The following VPS37A variants were observed in gnomAD, a reference collection of about 807,000 sequenced individuals.
VPS37A encodes VPS37A subunit of ESCRT-I.
A neutral mutation model predicts 49.8 loss-of-function variants in VPS37A; 30 were observed. The observed-to-expected ratio is 0.60, with a 90% CI of 0.45 to 0.82. The LOEUF (loss-of-function observed/expected upper bound fraction) is 0.82. Ranked by LOEUF, VPS37A falls within the 40% of genes least tolerant of loss-of-function variation. The pLI is 0.00. For missense variants in VPS37A, 593 were observed against 464.4 expected (o/e 1.28, Z -2.55); for synonymous variants, 195 against 160.6 (o/e 1.21, Z -1.62).
At chr8:17,256,893 C>T (rs1372952291) in intron 1 of VPS37A, among the ~76,000 whole-genome samples, 2 of 152,216 alleles carry the variant, frequency 1.3e-5, no homozygotes, top group South Asian at 2.1e-4. Context: ...CTCAGATGAT[C>T]GGCCTGCCTT....
chr8:17,273,023 CTTTTTTT>C (rs1166192119), intron 4 of VPS37A, among the ~76,000 whole-genome samples: 10 of 43,822 alleles, frequency 2.3e-4, no homozygotes, highest in African/African-American at 8.1e-4. Flanking sequence ...TTTGCCCTTC[CTTTTTTT>C]TTTTTTTTTT....
At chr8:17,291,078 A>G (rs1156698618) in intron 11 of VPS37A, among the ~76,000 whole-genome samples, 1 of 151,980 alleles carries the variant, frequency 6.6e-6, no homozygotes, top group Admixed American at 6.6e-5. Flanking sequence ...CATTGGTATG[A>G]TCTTGGCTCA....
At chr8:17,251,166 G>T (rs182857821) in intron 1 of VPS37A, among the ~76,000 whole-genome samples, 1 of 152,090 alleles carries the variant, frequency 6.6e-6, no homozygotes, top group South Asian at 2.1e-4. Context: ...CAGTGATGAT[G>T]GTCTCATCAC....
chr8:17,249,203 TA>T (rs1811749054), intron 1 of VPS37A, among the ~76,000 whole-genome samples: 1 of 152,198 alleles, frequency 6.6e-6, no homozygotes, highest in Non-Finnish European at 1.5e-5. Flanking sequence ...CTAAGGCTGG[TA>T]AGTAAGGGAA....
rs117208259 is a variant in VPS37A at position 17,288,021 on chromosome 8, C to T, written c.*1594C>T. ...ATTTCTGCTCCTTGTAACATTAGTG[C>T]TCACAATGAATTGTTTTATGTGTTA... On this transcript the variant is annotated intron_variant, in intron 11 of 11. Coordinates refer to ENST00000324849, the MANE Select transcript of VPS37A (RefSeq NM_152415.3). Among the ~76,000 whole-genome samples, 980 of 152,260 alleles carry T rather than the reference C, an allele frequency of 6.4e-3. 4 individuals are homozygous for T. Among genetic ancestry groups the T allele is most frequent in the Middle Eastern group, 0.014 (4 of 294 alleles).
rs888733128 is a variant in VPS37A at position 17,269,038 on chromosome 8, G to A, written c.416+82G>A. The A allele has an allele frequency of 1.6e-5, 16 of 1,004,444 alleles. No homozygotes were observed. The South Asian group carries it at 2.1e-4, about 13-fold the overall frequency. 62.2% of individuals were successfully genotyped at this position (1,004,444 alleles called of 1,614,324 possible). The stretch of plus-strand genomic sequence containing the variant: ...AATATAGTTTAAAAATTCAAATGAT[G>A]TTAAAAATCAGTCCTCTGATTTCTA... On this transcript the variant is annotated intron_variant, in intron 4 of 11. Transcript: ENST00000324849.
At chr8:17,319,047 G>A in the VPS37A span, among the ~76,000 whole-genome samples, 1 of 152,182 alleles carries the variant, frequency 6.6e-6, no homozygotes, top group Non-Finnish European at 1.5e-5. Context: ...AAATAGGAGG[G>A]CCTCCTTGTT....
intron 4 of VPS37A, chr8:17,272,180 G>C (rs1343470733): frequency 2.3e-6 from 1 of 428,772 alleles, no homozygotes; most frequent in African/African-American, 2.0e-5. Context: ...CCTCCTAACA[G>C]CCTCTTTGAG....
At chr8:17,312,912 A>G in the VPS37A span, among the ~76,000 whole-genome samples, 1 of 152,228 alleles carries the variant, frequency 6.6e-6, no homozygotes, top group East Asian at 1.9e-4. Flanking sequence ...TTCCAGCTAC[A>G]GGAACATGAC....
intron 11 of VPS37A, 38 bp downstream of exon 11, chr8:17,286,465 C>G: frequency 6.4e-7 from 1 of 1,566,470 alleles, no homozygotes. Context: ...AAGGTGATTG[C>G]ATCAGTGTTC....
chr8:17,284,768 C>T, intron 10 of VPS37A, 152 bp downstream of exon 10: 1 of 1,058,482 alleles, frequency 9.4e-7, no homozygotes, highest in Non-Finnish European at 1.3e-6. Flanking sequence ...GGTTTCTATT[C>T]CTTGGGTGTG....
chr8:17,328,025 T>A, the VPS37A span, among the ~76,000 whole-genome samples: 1 of 152,200 alleles, frequency 6.6e-6, no homozygotes, highest in African/African-American at 2.4e-5. Context: ...AATGAATACA[T>A]TGATGAATAA....
At chr8:17,276,002 C>T (rs1474933891) in intron 5 of VPS37A, among the ~76,000 whole-genome samples, 1 of 152,156 alleles carries the variant, frequency 6.6e-6, no homozygotes, top group African/African-American at 2.4e-5. Context: ...ATCTACCCTA[C>T]CGTCTCATGT....
At chr8:17,273,891 G>T (rs1814251527) in intron 4 of VPS37A, among the ~76,000 whole-genome samples, 1 of 152,108 alleles carries the variant, frequency 6.6e-6, no homozygotes, top group Non-Finnish European at 1.5e-5. Context: ...AATGTAAAGG[G>T]AAGCATTTTA....
At chr8:17,294,005 C>T (rs1217420466) in intron 11 of VPS37A, among the ~76,000 whole-genome samples, 1 of 152,232 alleles carries the variant, frequency 6.6e-6, no homozygotes. Context: ...CTGCTCTCTT[C>T]AGAGCCGGCA....
At chr8:17,288,570 ATAG>A (rs1340838021) in intron 11 of VPS37A, among the ~76,000 whole-genome samples, 2 of 152,142 alleles carry the variant, frequency 1.3e-5, no homozygotes, top group African/African-American at 4.8e-5. Context: ...TTATGGCTGC[ATAG>A]TATTCCATGG....
At chr8:17,313,956 T>C in the VPS37A span, among the ~76,000 whole-genome samples, 4 of 152,180 alleles carry the variant, frequency 2.6e-5, no homozygotes, top group Admixed American at 2.0e-4. Context: ...AGCTTAAAAA[T>C]AACACATATG....
At chr8:17,326,087 C>T in the VPS37A span, among the ~76,000 whole-genome samples, 2 of 152,188 alleles carry the variant, frequency 1.3e-5, no homozygotes, top group Non-Finnish European at 1.5e-5. Flanking sequence ...CGCAGAGACT[C>T]AATCAAGAAC....
At chr8:17,314,320 A>G in the VPS37A span, among the ~76,000 whole-genome samples, 1 of 152,198 alleles carries the variant, frequency 6.6e-6, no homozygotes, top group African/African-American at 2.4e-5. Context: ...GTAAACACAC[A>G]TAGGGAAAAG....
Sources: gnomAD v4.1 joint callset for allele counts (sites outside exome capture counted in the v4.1 genomes callset) on GRCh38, gnomAD v4.1.1 for gene constraint, MANE v1.5 for transcripts, NCBI Gene and HGNC (gene_info 2026-07-23, HGNC 2026-07-21) for gene names.